The following CAMTA1 variants were observed in gnomAD, a reference collection of about 807,000 sequenced individuals.
CAMTA1 encodes the protein calmodulin-binding transcription activator 1.
Under a neutral mutation model 170.9 loss-of-function variants are expected in CAMTA1, and 27 were observed. The ratio of observed to expected loss-of-function variants is 0.16; its 90% confidence interval spans 0.12 to 0.22. CAMTA1 has a LOEUF of 0.22. Ranked by LOEUF, CAMTA1 falls within the 10% of genes least tolerant of loss-of-function variation. The pLI is 1.00. For synonymous variants in CAMTA1, 833 were observed against 891.5 expected (o/e 0.93, Z 1.17); for missense variants, 1,619 against 2,217.2 (o/e 0.73, Z 5.42).
At chr1:6,941,880 CG>C (rs1571910125) in intron 3 of CAMTA1, among the ~76,000 whole-genome samples, 1 of 152,132 alleles carries the variant, frequency 6.6e-6, no homozygotes, top group East Asian at 1.9e-4. Context: ...TCCATGACTG[CG>C]GAAGGAGAGG....
intron 10 of CAMTA1, 102 bp downstream of exon 10, chr1:7,671,139 ACTCTAGG>A: frequency 8.0e-7 from 1 of 1,254,594 alleles, no homozygotes; most frequent in Non-Finnish European, 1.1e-6. Context: ...TCATGTCCTT[ACTCTAGG>A]CCTCAGTTTC....
chr1:6,808,685 G>A (rs1015061820), intron 1 of CAMTA1, among the ~76,000 whole-genome samples: 6 of 152,196 alleles, frequency 3.9e-5, no homozygotes, highest in African/African-American at 1.4e-4. Context: ...CATTTCTGGA[G>A]GTAAGAGGCT....
intron 5 of CAMTA1, among the ~76,000 whole-genome samples, chr1:7,421,825 C>CCTATGTCTCCTT (rs1036892709): frequency 1.0e-3 from 1 of 1,000 alleles, no homozygotes. Context: ...ACAGAGGGGA[C>CCTATGTCTCCTT]CATACCCTCC....
chr1:7,172,368 T>A (rs1649818062), intron 4 of CAMTA1, among the ~76,000 whole-genome samples: 1 of 152,240 alleles, frequency 6.6e-6, no homozygotes, highest in Admixed American at 6.5e-5. Flanking sequence ...CAGACTGCTC[T>A]TGGACTCCTG....
intron 3 of CAMTA1, among the ~76,000 whole-genome samples, chr1:6,858,106 A>G (rs753150539): frequency 1.3e-5 from 2 of 152,242 alleles, no homozygotes; most frequent in Non-Finnish European, 2.9e-5. Flanking sequence ...TGAAGAAAGA[A>G]AGATAGGCCA....
intron 3 of CAMTA1, among the ~76,000 whole-genome samples, chr1:6,834,075 T>C (rs988836036): frequency 6.6e-5 from 10 of 152,158 alleles, no homozygotes; most frequent in Middle Eastern, 3.4e-3. Context: ...TGAAGATTAT[T>C]GTTGCTTTTG....
intron 21 of CAMTA1, 63 bp downstream of exon 21, chr1:7,752,596 T>C: frequency 1.2e-5 from 15 of 1,219,654 alleles, no homozygotes; most frequent in Non-Finnish European, 1.7e-5. Flanking sequence ...CTGACCTTCT[T>C]AACCCTCACT....
At chr1:6,880,377 A>G (rs1035824376) in intron 3 of CAMTA1, among the ~76,000 whole-genome samples, 1 of 142,694 alleles carries the variant, frequency 7.0e-6, no homozygotes, top group Admixed American at 7.1e-5. Flanking sequence ...CCCAGCCTCT[A>G]AAAGTGTTTT....
At chr1:7,492,636 AAC>A (rs531879122) in intron 6 of CAMTA1, among the ~76,000 whole-genome samples, 43 of 130,772 alleles carry the variant, frequency 3.3e-4, no homozygotes, top group South Asian at 1.8e-3. Flanking sequence ...CGCGCACACA[AAC>A]ACATACAATC....
chr1:7,257,557 A>C (rs1468011778), intron 5 of CAMTA1, among the ~76,000 whole-genome samples: 2 of 125,576 alleles, frequency 1.6e-5, no homozygotes, highest in Non-Finnish European at 3.3e-5. Context: ...CTTCCACGGC[A>C]CACCCACTCT....
intron 4 of CAMTA1, among the ~76,000 whole-genome samples, chr1:7,127,080 C>T (rs1558138231): frequency 6.6e-6 from 1 of 152,080 alleles, no homozygotes; most frequent in East Asian, 1.9e-4. Flanking sequence ...AGGACTGCCA[C>T]TTCTTTGTAG....
rs1433843281 is a variant in CAMTA1 at position 7,664,990 on chromosome 1, A to G, written c.2443A>G (p.Thr815Ala). ...QSEDGARAPF[T>A]QAEMCLPCCS... ...AGAGGACGGGGCGCGGGCCCCCTTCACCCAGGCAGAGATGTGCCTCCCCTG... is the reference window on the plus strand; with the variant it reads ...AGAGGACGGGGCGCGGGCCCCCTTCGCCCAGGCAGAGATGTGCCTCCCCTG... Residue 815 changes from threonine (T) to alanine (A), a missense_variant, in exon 9 of 23, where the codon ACC (threonine) becomes GCC (alanine). This residue lies in a region of CAMTA1 where 731 missense variants were observed against 907.6 expected (regional missense o/e 0.81). Transcript: ENST00000303635. 1.9e-6 allele frequency: 3 copies of G among 1,606,960 alleles called. No individual in the cohort carries two copies. The Admixed American group carries it at 5.0e-5, about 27-fold the overall frequency.
chr1:6,816,397 C>T (rs1228804199), intron 1 of CAMTA1, among the ~76,000 whole-genome samples: 1 of 152,114 alleles, frequency 6.6e-6, no homozygotes, highest in Non-Finnish European at 1.5e-5. Flanking sequence ...TCCCAGCTTG[C>T]GAACAGTGTC....
intron 7 of CAMTA1, among the ~76,000 whole-genome samples, chr1:7,655,047 CACACCTAT>C (rs2095877283): frequency 6.7e-6 from 1 of 148,236 alleles, no homozygotes; most frequent in African/African-American, 2.5e-5. Flanking sequence ...CACCTATACA[CACACCTAT>C]ACAAACACAC....
Position 7,736,596 on chromosome 1 carries a change from C to G in CAMTA1, c.3263+56C>G. On this transcript the variant is annotated intron_variant, in intron 13 of 22. Coordinates refer to ENST00000303635, the MANE Select transcript of CAMTA1 (RefSeq NM_015215.4). The surrounding 1 kb of genome is among the most constrained non-coding windows in gnomAD (Gnocchi z 4.5). Reference sequence around the variant, plus strand: ...AGCCTCGCACATCCTCGCTCACATTCTTCCTGAGCACTGCCACCCGTGGAA... The same window carrying G: ...AGCCTCGCACATCCTCGCTCACATTGTTCCTGAGCACTGCCACCCGTGGAA... 6.5e-7 allele frequency: 1 copy of G among 1,534,666 alleles called. No individual in the cohort carries two copies. The highest frequency in any genetic ancestry group is 1.1e-5 in the South Asian group (1 of 88,916).
rs573836219 is a variant in CAMTA1 at position 7,503,434 on chromosome 1, G to A, written c.510+35533G>A. Among the ~76,000 whole-genome samples, 11 of 152,328 alleles carry A rather than the reference G, an allele frequency of 7.2e-5. No individual in the cohort carries two copies. The South Asian group carries it at 2.1e-3, about 29-fold the overall frequency. On this transcript the variant is annotated intron_variant, in intron 6 of 22. Coordinates refer to ENST00000303635, the MANE Select transcript of CAMTA1 (RefSeq NM_015215.4). ...TCCTGGGGTAATACAGCCAGCCCAG[G>A]TAGAGGACCATGGAGTTGGCCTGGG...
intron 6 of CAMTA1, among the ~76,000 whole-genome samples, chr1:7,520,127 C>T (rs2094340634): frequency 6.9e-6 from 1 of 145,688 alleles, no homozygotes. Flanking sequence ...GGGCTTTGCA[C>T]TTGAAGAACC....
Position 7,670,802 on chromosome 1 carries a change from C to T in CAMTA1, c.2653-109C>T, listed in dbSNP as rs549440202. On this transcript the variant is annotated intron_variant, in intron 9 of 22. Coordinates refer to ENST00000303635, the MANE Select transcript of CAMTA1 (RefSeq NM_015215.4). ...TGAGGGCCTGGGAATCTGCATGGGG[C>T]GAGGGGTACAGACCCCCATCTGAGC... The T allele has an allele frequency of 5.4e-5, 67 of 1,245,674 alleles. 1 individual carries two copies. In the South Asian group the frequency reaches 6.3e-4, roughly 12 times the overall value. 77.2% of individuals were successfully genotyped at this position (1,245,674 alleles called of 1,614,324 possible).
intron 4 of CAMTA1, among the ~76,000 whole-genome samples, chr1:7,239,924 A>G (rs998339860): frequency 6.6e-6 from 1 of 152,088 alleles, no homozygotes; most frequent in Non-Finnish European, 1.5e-5. Context: ...TTTATTAAAA[A>G]AAAGCCACTC....
Sources: gnomAD v4.1 joint callset for allele counts (sites outside exome capture counted in the v4.1 genomes callset) on GRCh38, gnomAD v4.1.1 for gene constraint, gnomAD v4.1.1 regional missense constraint, Gnocchi (gnomAD v3.1) non-coding constraint, MANE v1.5 for transcripts, NCBI Gene and HGNC (gene_info 2026-07-23, HGNC 2026-07-21) for gene names.